The following ARHGAP44 variants were observed in gnomAD, a reference collection of about 807,000 sequenced individuals.
ARHGAP44 encodes Rho GTPase activating protein 44.
ARHGAP44 carries 43 observed loss-of-function variants against 106.8 expected under a neutral mutation model. The ratio of observed to expected loss-of-function variants is 0.40; its 90% CI spans 0.32 to 0.52. The LOEUF is 0.52. ARHGAP44 is among the 20% of genes least tolerant of loss of function. The probability of loss-of-function intolerance (pLI) is 0.48; values close to 1 mark genes in which losing one functional copy is unlikely to be tolerated. For synonymous variants in ARHGAP44, 439 were observed against 410.3 expected (o/e 1.07, Z -0.85); for missense variants, 866 against 1,050.5 (o/e 0.82, Z 2.43).
At chr17:12,981,059 A>T (rs1038850168) in intron 19 of ARHGAP44, 4 of 152,060 alleles carry the variant, frequency 2.6e-5, no homozygotes, top group African/African-American at 9.7e-5. Context: ...GTCTGCCCTC[A>T]CCAAGCCCGT....
chr17:12,925,694 G>A (rs1042833600), intron 6 of ARHGAP44, among the ~76,000 whole-genome samples: 2 of 152,138 alleles, frequency 1.3e-5, no homozygotes, highest in Non-Finnish European at 2.9e-5. Flanking sequence ...AAGGATGGTG[G>A]TACATCAGCT....
intron 6 of ARHGAP44, among the ~76,000 whole-genome samples, chr17:12,922,950 A>G (rs1227462111): frequency 1.3e-5 from 2 of 152,188 alleles, no homozygotes; most frequent in Non-Finnish European, 2.9e-5. Flanking sequence ...TGATTTAACA[A>G]ATGTTTTTAT....
chr17:12,938,180 G>C (rs1408923823), intron 7 of ARHGAP44, among the ~76,000 whole-genome samples: 6 of 152,054 alleles, frequency 3.9e-5, no homozygotes, highest in African/African-American at 1.4e-4. Flanking sequence ...GACAATCTTT[G>C]ACAATATAAT....
intron 1 of ARHGAP44, among the ~76,000 whole-genome samples, chr17:12,866,948 A>T (rs945828453): frequency 6.6e-6 from 1 of 152,126 alleles, no homozygotes; most frequent in Non-Finnish European, 1.5e-5. Context: ...GGGACCTCTG[A>T]GAAGGCTTCT....
chr17:12,887,616 C>T (rs1345059673), intron 1 of ARHGAP44, among the ~76,000 whole-genome samples: 3 of 151,962 alleles, frequency 2.0e-5, no homozygotes, highest in South Asian at 2.1e-4. Context: ...TTTTTTTGGT[C>T]ATGTTTTGAT....
chr17:12,796,166 A>G (rs1353564738), intron 1 of ARHGAP44, among the ~76,000 whole-genome samples: 3 of 136,800 alleles, frequency 2.2e-5, no homozygotes, highest in African/African-American at 5.4e-5. Flanking sequence ...CTATCTATCT[A>G]TTCTTTAAAA....
At chr17:12,903,685 G>A (rs1247714772) in intron 3 of ARHGAP44, among the ~76,000 whole-genome samples, 2 of 151,994 alleles carry the variant, frequency 1.3e-5, no homozygotes, top group Non-Finnish European at 2.9e-5. Flanking sequence ...TGATATTTTG[G>A]TGCACCCATC....
intron 1 of ARHGAP44, among the ~76,000 whole-genome samples, chr17:12,805,916 G>A (rs2034261001): frequency 6.6e-6 from 1 of 152,166 alleles, no homozygotes; most frequent in Non-Finnish European, 1.5e-5. Flanking sequence ...GGGGAACTGA[G>A]CCTTTTCACC....
At chr17:12,836,167 G>A (rs2035231454) in intron 1 of ARHGAP44, among the ~76,000 whole-genome samples, 2 of 152,140 alleles carry the variant, frequency 1.3e-5, no homozygotes, top group Admixed American at 6.6e-5. Context: ...CCAGAAGTGG[G>A]AATGACTGGC....
chr17:12,826,367 C>T (rs1299563220), intron 1 of ARHGAP44, among the ~76,000 whole-genome samples: 1 of 152,146 alleles, frequency 6.6e-6, no homozygotes, highest in Non-Finnish European at 1.5e-5. Context: ...CTTTTATTCT[C>T]ATCCCATAAA....
chr17:12,850,982 A>G (rs917829747), intron 1 of ARHGAP44, among the ~76,000 whole-genome samples: 2 of 152,186 alleles, frequency 1.3e-5, no homozygotes, highest in Non-Finnish European at 2.9e-5. Flanking sequence ...CAGTGGGTCA[A>G]CTTTTGGGAG....
chr17:12,861,431 A>G (rs2036069502), intron 1 of ARHGAP44, among the ~76,000 whole-genome samples: 3 of 152,152 alleles, frequency 2.0e-5, no homozygotes, highest in Non-Finnish European at 2.9e-5. Context: ...TCAAGATGGC[A>G]GCAGGATGTT....
intron 1 of ARHGAP44, among the ~76,000 whole-genome samples, chr17:12,811,062 CA>C (rs953382938): frequency 2.6e-5 from 4 of 152,156 alleles, no homozygotes. Flanking sequence ...CCTGTAATCC[CA>C]GCACTTTAGG....
intron 7 of ARHGAP44, among the ~76,000 whole-genome samples, chr17:12,931,623 A>G (rs1426501036): frequency 1.3e-5 from 2 of 151,644 alleles, no homozygotes; most frequent in Non-Finnish European, 2.9e-5. Context: ...CAGCCTCCCA[A>G]GTAGCTGGGA....
chr17:12,919,858 CTTCTTTGA>C (rs2038023251), intron 6 of ARHGAP44, 27 bp downstream of exon 6: 1 of 1,593,774 alleles, frequency 6.3e-7, no homozygotes, highest in East Asian at 2.2e-5. Flanking sequence ...TTCTTTTTTG[CTTCTTTGA>C]AGGGACAGTG....
At chr17:12,914,083 G>A (rs143251387) in intron 4 of ARHGAP44, among the ~76,000 whole-genome samples, 29 of 151,850 alleles carry the variant, frequency 1.9e-4, no homozygotes, top group East Asian at 5.8e-4. Context: ...CTTCACACAC[G>A]TGTGTATATG....
intron 1 of ARHGAP44, among the ~76,000 whole-genome samples, chr17:12,845,095 C>T (rs1417424226): frequency 2.0e-5 from 3 of 152,160 alleles, no homozygotes; most frequent in Non-Finnish European, 4.4e-5. Flanking sequence ...AAGAAACCTT[C>T]CTGAACACCC....
At chr17:12,941,965 G>A (rs2038722589) in intron 8 of ARHGAP44, among the ~76,000 whole-genome samples, 1 of 152,162 alleles carries the variant, frequency 6.6e-6, no homozygotes, top group Admixed American at 6.5e-5. Flanking sequence ...AGGAAGGTAA[G>A]GAGAGGAAAA....
intron 10 of ARHGAP44, among the ~76,000 whole-genome samples, chr17:12,948,752 C>CACACACA (rs1221163562): frequency 0.16 from 22,188 of 140,730 alleles, 2,609 homozygotes; most frequent in African/African-American, 0.29. Flanking sequence ...ACACACACAC[C>CACACACA]CCCTGTAGAC....
Sources: gnomAD v4.1 joint callset for allele counts (sites outside exome capture counted in the v4.1 genomes callset) on GRCh38, gnomAD v4.1.1 for gene constraint, MANE v1.5 for transcripts, NCBI Gene and HGNC (gene_info 2026-07-23, HGNC 2026-07-21) for gene names.